The following TTN variants were observed in gnomAD, a reference collection of about 807,000 sequenced individuals.
The protein encoded by TTN is titin.
TTN carries 1,525 observed loss-of-function variants against 3,223.0 expected under a neutral mutation model. That is an observed-to-expected ratio of 0.47 (90% confidence interval 0.45 to 0.49). TTN has a LOEUF of 0.49. Among genes scored for constraint, TTN ranks in the 20% least tolerant of loss-of-function variants. The probability of loss-of-function intolerance (pLI) is 0.00; values close to 1 mark genes in which losing one functional copy is unlikely to be tolerated. For synonymous variants in TTN, 14,094 were observed against 15,161.0 expected (o/e 0.93, Z 5.17); for missense variants, 40,786 against 43,424.0 (o/e 0.94, Z 5.40).
rs753800855 is a variant in TTN, at chr2:178,745,564, G to A, written c.11312-3643C>T. On this transcript the variant is annotated intron_variant, in intron 47 of 362. Transcript: ENST00000589042. ...ACTCAGATCAATGCTAATAATTACT[G>A]AGGCACTAAAACATTACATTTTAAG... 7.4e-6 allele frequency: 12 copies of A among 1,611,376 alleles called. 1 individual carries two copies. The South Asian group carries it at 1.3e-4, about 18-fold the overall frequency.
rs1289012895 is a variant in TTN, at chr2:178,585,229, ATCT to A, written c.64512_64514del (p.Glu21504del). On this transcript the variant is annotated inframe_deletion, in exon 309 of 363. Coordinates refer to ENST00000589042, the MANE Select transcript of TTN (RefSeq NM_001267550.2). ...CCAGGTGGCTGGATGTGACAACTTCATCTTCTCCTTTTTTCCATTTACAGGTGG... is the reference window on the plus strand; with the variant it reads ...CCAGGTGGCTGGATGTGACAACTTCATCTCCTTTTTTCCATTTACAGGTGG... The A allele has an allele frequency of 3.1e-6, 5 of 1,613,228 alleles. No homozygotes were observed. Among genetic ancestry groups the A allele is most frequent in the African/African-American group, 1.3e-5 (1 of 74,872 alleles).
At position 178,568,709 on chromosome 2, in the gene TTN, C is replaced by G; in HGVS notation, c.77423G>C (p.Ser25808Thr). 6.2e-7 allele frequency: 1 copy of G among 1,613,304 alleles called. No individual in the cohort carries two copies. The highest frequency in any genetic ancestry group is 8.5e-7 in the Non-Finnish European group (1 of 1,179,546). Residue 25808 changes from serine to threonine, a missense_variant, in exon 326 of 363, where the codon AGT becomes ACT. Physicochemically the swap from Ser to Thr is moderately conservative, Grantham distance 58. Coordinates refer to ENST00000589042, the MANE Select transcript of TTN (RefSeq NM_001267550.2). ...PDVKPAFSSY[S>T]VQVGQDLKIE... ...TTTCAAATCTTGGCCAACCTGTACA[C>G]TGTAACTACTGAATGCAGGTTTTAC...
chr2:178,665,446 T>C lies in TTN; in HGVS notation c.35974A>G (p.Lys11992Glu), dbSNP rs2065761154. 1.2e-6 allele frequency: 2 copies of C among 1,612,374 alleles called. No homozygotes were observed. Among genetic ancestry groups the C allele is most frequent in the East Asian group, 4.5e-5 (2 of 44,856 alleles). The change falls in exon 165 of 363, where the codon AAA (lysine) becomes GAA (glutamate). Residue 11992 changes from lysine (K) to glutamate (E), a missense_variant. By Grantham distance (56) the Lys-to-Glu change is moderately conservative. Transcript: ENST00000589042. ...ATTTTCATTTCAGGGACAACTTCTTTCATAGCTTCTGGTGCTTTGAAGATA... is the reference window on the plus strand; with the variant it reads ...ATTTTCATTTCAGGGACAACTTCTTCCATAGCTTCTGGTGCTTTGAAGATA... ...IPPTKAPEAM[K>E]EVVPEMKIFE... is the part of the protein sequence containing the mutation.
At position 178,565,351 on chromosome 2, in the gene TTN, G is replaced by A. The variant is rs747688310; in HGVS notation, c.80781C>T (p.Asn26927=). 2.2e-5 allele frequency: 35 copies of A among 1,613,506 alleles called. No homozygotes were observed. The highest frequency in any genetic ancestry group is 3.0e-5 in the Non-Finnish European group (35 of 1,179,630). ...CAGTTGAGGTAGCTGTTTCTTCAAC[G>A]TTTACTCTTGTTGTCTGTTTAAGAG... ...GEPLKQTTRV[N]VEETATSTVL... Residue 26927 remains asparagine, a synonymous_variant, in exon 326 of 363, where the codon AAC becomes AAT. Coordinates refer to ENST00000589042, the MANE Select transcript of TTN (RefSeq NM_001267550.2).
rs368765224 is a variant in TTN, at chr2:178,728,968, C to T, written c.19070G>A (p.Gly6357Glu). 1.2e-6 allele frequency: 2 copies of T among 1,613,068 alleles called. No homozygotes were observed. Among genetic ancestry groups the T allele is most frequent in the South Asian group, 2.2e-5 (2 of 91,004 alleles). ...ATLQIRSVDN[G>E]HSGRYTCQAK... The stretch of plus-strand genomic sequence containing the variant: ...TTGACAGGTATATCTCCCACTGTGT[C>T]CATTATCCACACTTCTGATTTGAAG... Residue 6357 changes from glycine to glutamate, a missense_variant, in exon 65 of 363, where the codon GGA (glycine) becomes GAA (glutamate). By Grantham distance (98) the Gly-to-Glu change is moderately conservative. Coordinates refer to ENST00000589042, the MANE Select transcript of TTN (RefSeq NM_001267550.2).
At chr2:178,754,854 C>T (rs940998528) in intron 46 of TTN, among the ~76,000 whole-genome samples, 2 of 152,146 alleles carry the variant, frequency 1.3e-5, no homozygotes, top group African/African-American at 4.8e-5. Context: ...AAGAATAAGA[C>T]CTCTTTTTGG....
chr2:178,543,787 T>G, intron 346 of TTN, 47 bp downstream of exon 346: 1 of 1,598,450 alleles, frequency 6.3e-7, no homozygotes, highest in Non-Finnish European at 8.5e-7. Context: ...CTATATTGTT[T>G]TAGAGGATCT....
rs1389833118 is a variant in TTN, at chr2:178,570,160, T to C, written c.75972A>G (p.Val25324=). 8.1e-6 allele frequency: 13 copies of C among 1,613,394 alleles called. No individual in the cohort carries two copies. Among genetic ancestry groups the C allele is most frequent in the Admixed American group, 1.7e-5 (1 of 59,964 alleles). The change falls in exon 326 of 363, where the codon GTA becomes GTG. Residue 25324 remains valine, a synonymous_variant. Coordinates refer to ENST00000589042, the MANE Select transcript of TTN (RefSeq NM_001267550.2). The part of the protein sequence containing the change: ...TTVTKDSMIV[V]WERPASDGGS... The stretch of plus-strand genomic sequence containing the variant: ...CACCATCAGATGCTGGTCTTTCCCA[T>C]ACAACAATCATTGAGTCCTTGGTCA...
At position 178,728,321 on chromosome 2, in the gene TTN, C is replaced by T. The variant is rs1004050906; in HGVS notation, c.19503G>A (p.Glu6501=). 1 of 1,612,744 alleles carries T rather than the reference C, an allele frequency of 6.2e-7. No homozygotes were observed. Among genetic ancestry groups the T allele is most frequent in the Non-Finnish European group, 8.5e-7 (1 of 1,179,404 alleles). The change falls in exon 67 of 363, where the codon GAG becomes GAA. Residue 6501 remains glutamate, a synonymous_variant. Transcript: ENST00000589042. The part of the protein sequence containing the change: ...DKVLGSSIHM[E]CKVSGSLPIS... ...TGGGAAGTGAACCAGACACCTTGCA[C>T]TCCATATGAATAGAAGAGCCCAGAA...
Position 178,592,213 on chromosome 2 carries a change from A to C in TTN, c.59691T>G (p.Thr19897=), listed in dbSNP as rs2050367964. ...SEIRKDSCYL[T]WKEPLDDGGS... is the part of the protein sequence containing the mutation. ...CACCATCATCCAGTGGTTCTTTCCA[A>C]GTAAGGTAACATGAATCTTTCCTAA... Residue 19897 remains threonine, a synonymous_variant, in exon 302 of 363, where the codon ACT becomes ACG. Coordinates refer to ENST00000589042, the MANE Select transcript of TTN (RefSeq NM_001267550.2). The C allele has an allele frequency of 6.8e-6, 11 of 1,611,996 alleles. No homozygotes were observed. Among genetic ancestry groups the C allele is most frequent in the Non-Finnish European group, 8.5e-6 (10 of 1,178,992 alleles).
In TTN at chr2:178,532,350, G is replaced by A. The variant is rs756003817; in HGVS notation, c.104265C>T (p.Tyr34755=). 3.1e-6 allele frequency: 5 copies of A among 1,613,982 alleles called. No individual in the cohort carries two copies. The highest frequency in any genetic ancestry group is 1.6e-4 in the Middle Eastern group (1 of 6,062). Reference sequence around the variant, plus strand: ...TTCTTTGCCGTTGCTTTGGCTGTCTGTACGCAGCCTGGGCATGCCGTTCCC... The same window carrying A: ...TTCTTTGCCGTTGCTTTGGCTGTCTATACGCAGCCTGGGCATGCCGTTCCC... The part of the protein sequence containing the change: ...ELRERHAQAA[Y]RQPKQRQRIM... Residue 34755 remains tyrosine (Y), a synonymous_variant, in exon 358 of 363, where the codon TAC becomes TAT. Transcript: ENST00000589042.
chr2:178,649,680 G>GATATACATA (rs1166069487), intron 211 of TTN, 49 bp from the exon 212 acceptor site: 1 of 1,542,862 alleles, frequency 6.5e-7, no homozygotes, highest in African/African-American at 1.4e-5. Flanking sequence ...TGAGATGTAA[G>GATATACATA]ATATACATAC....
chr2:178,529,885 A>G (rs1688289749), intron 359 of TTN, 75 bp downstream of exon 359: 2 of 1,450,640 alleles, frequency 1.4e-6, no homozygotes, highest in Non-Finnish European at 1.9e-6. Context: ...ATGTGTATAT[A>G]AGGGGGGATG....
rs199647622 is a variant in TTN at position 178,539,541 on chromosome 2, C to T, written c.98524G>A (p.Ala32842Thr). 41 of 1,613,652 alleles carry T rather than the reference C, an allele frequency of 2.5e-5. No homozygotes were observed. Among genetic ancestry groups the T allele is most frequent in the Admixed American group, 1.7e-4 (10 of 59,984 alleles). The change falls in exon 352 of 363, where the codon GCC becomes ACC. Residue 32842 changes from alanine to threonine, a missense_variant. By Grantham distance (58) the Ala-to-Thr change is moderately conservative (BLOSUM62 0). Coordinates refer to ENST00000589042, the MANE Select transcript of TTN (RefSeq NM_001267550.2). Reference protein sequence around the residue: ...ILERREVPKAAWYTIDSRVRG... With the variant: ...ILERREVPKATWYTIDSRVRG... ...ACTCTGGAATCAATGGTATACCAGG[C>T]GGCTTTAGGCACTTCTCGTCTCTCG... is the stretch of plus-strand genomic sequence containing the variant.
At chr2:178,772,405 A>G (rs1200534589) in intron 33 of TTN, among the ~76,000 whole-genome samples, 1 of 152,202 alleles carries the variant, frequency 6.6e-6, no homozygotes, top group Non-Finnish European at 1.5e-5. Context: ...CTCAAAATTT[A>G]AACTGTAATG....
rs375020177 is a variant in TTN at position 178,741,516 on chromosome 2, T to C, written c.11717A>G (p.Tyr3906Cys). The C allele has an allele frequency of 4.3e-6, 7 of 1,613,768 alleles. 1 individual carries two copies. The highest frequency in any genetic ancestry group is 4.0e-5 in the African/African-American group (3 of 74,922). ...NDYGKTICSA[Y>C]LKINSKGEGH... The stretch of plus-strand genomic sequence containing the variant: ...CTCTCCTTTGGAATTAATTTTTAGA[T>C]AGGCACTACATATTGTCTTTCCATA... The change falls in exon 48 of 363, where the codon TAT (tyrosine) becomes TGT (cysteine). Residue 3906 changes from tyrosine (Y) to cysteine (C), a missense_variant. Transcript: ENST00000589042.
chr2:178,536,632 C>A, intron 356 of TTN, 57 bp from the exon 357 acceptor site: 6 of 1,389,840 alleles, frequency 4.3e-6, no homozygotes, highest in Non-Finnish European at 5.7e-6. Flanking sequence ...TTTATTAAAG[C>A]TTATTTTTTT....
rs753657854 is a variant in TTN, at chr2:178,538,750, C to T, written c.99079G>A (p.Gly33027Ser). ...ACCCAGTATCCAAGAATTTCTTTAC[C>T]ACCATCACATTCAGGTTTCTCCCAC... ...LQWEKPECDG[G>S]KEILGYWVEY... The change falls in exon 354 of 363, where the codon GGT (glycine) becomes AGT (serine). Residue 33027 changes from glycine to serine, a missense_variant. Coordinates refer to ENST00000589042, the MANE Select transcript of TTN (RefSeq NM_001267550.2). 6 of 1,613,678 alleles carry T rather than the reference C, an allele frequency of 3.7e-6. No individual in the cohort carries two copies. The South Asian group carries it at 4.4e-5, about 12-fold the overall frequency.
rs1700593834 is a variant in TTN, at chr2:178,554,546, C to G, written c.88801G>C (p.Gly29601Arg). 6.2e-7 allele frequency: 1 copy of G among 1,613,652 alleles called. No homozygotes were observed. Among genetic ancestry groups the G allele is most frequent in the African/African-American group, 1.3e-5 (1 of 74,888 alleles). ...CIITTTKIIK[G>R]NEYIFRVRAV... is the part of the protein sequence containing the mutation. ...CGGACCCGGAAGATGTATTCATTTC[C>G]TTTGATAATTTTGGTGGTTGTAATG... The change falls in exon 332 of 363, where the codon GGA (glycine) becomes CGA (arginine). Residue 29601 changes from glycine (G) to arginine (R), a missense_variant. Physicochemically the swap from Gly to Arg is moderately radical, Grantham distance 125 (BLOSUM62 -2). Transcript: ENST00000589042.
Sources: gnomAD v4.1 joint callset for allele counts (sites outside exome capture counted in the v4.1 genomes callset) on GRCh38, gnomAD v4.1.1 for gene constraint, MANE v1.5 for transcripts, NCBI Gene and HGNC (gene_info 2026-07-23, HGNC 2026-07-21) for gene names.